Variants in SND1 observed in about 807,000 individuals in gnomAD.
SND1 encodes the protein staphylococcal nuclease and tudor domain containing 1.
In SND1, 38 loss-of-function variants were observed where a neutral mutation model predicts 121.7. The ratio of observed to expected loss-of-function variants is 0.31; its 90% CI spans 0.24 to 0.41. The LOEUF is 0.41. SND1 is among the 10% of genes least tolerant of loss of function. The probability of loss-of-function intolerance (pLI) is 1.00; values close to 1 mark genes in which losing one functional copy is unlikely to be tolerated. For missense variants in SND1, 868 were observed against 1,184.6 expected (o/e 0.73, Z 3.92); for synonymous variants, 401 against 447.4 (o/e 0.90, Z 1.31).
At chr7:127,985,193 T>C (rs1006045808) in intron 15 of SND1, among the ~76,000 whole-genome samples, 4 of 152,222 alleles carry the variant, frequency 2.6e-5, no homozygotes, top group African/African-American at 7.2e-5. Context: ...AAAGCATAGC[T>C]GCCCGAGGCT....
intron 10 of SND1, among the ~76,000 whole-genome samples, chr7:127,751,779 T>C (rs1003882659): frequency 6.6e-6 from 1 of 152,220 alleles, no homozygotes; most frequent in African/African-American, 2.4e-5. Flanking sequence ...AATGACCCTA[T>C]TGCATTCCCT....
intron 16 of SND1, chr7:128,030,584 G>A (rs760044908): frequency 1.4e-5 from 23 of 1,602,034 alleles, no homozygotes; most frequent in Admixed American, 6.7e-5. Flanking sequence ...AGACGAACGG[G>A]AGCAGGATGG....
At chr7:127,826,301 A>G (rs750029230) in intron 11 of SND1, among the ~76,000 whole-genome samples, 14 of 152,124 alleles carry the variant, frequency 9.2e-5, no homozygotes, top group Non-Finnish European at 1.9e-4. Flanking sequence ...ATGAGTATAT[A>G]ATTTATTTAA....
At chr7:127,750,227 G>A (rs945259860) in intron 10 of SND1, among the ~76,000 whole-genome samples, 2 of 152,230 alleles carry the variant, frequency 1.3e-5, no homozygotes, top group African/African-American at 4.8e-5. Context: ...GGGTTACACA[G>A]ACTGCAGATA....
chr7:127,738,147 C>A (rs1411612504), intron 10 of SND1, among the ~76,000 whole-genome samples: 1 of 152,124 alleles, frequency 6.6e-6, no homozygotes, highest in East Asian at 1.9e-4. Context: ...AATTATTTTT[C>A]ATGTGTCCTT....
intron 15 of SND1, among the ~76,000 whole-genome samples, chr7:127,990,077 A>C (rs1042120013): frequency 6.6e-6 from 1 of 152,212 alleles, no homozygotes; most frequent in African/African-American, 2.4e-5. Context: ...GGTTTTGAGC[A>C]TGGGAATTGC....
At chr7:127,932,033 A>G (rs1311618751) in intron 15 of SND1, among the ~76,000 whole-genome samples, 3 of 152,256 alleles carry the variant, frequency 2.0e-5, no homozygotes, top group Non-Finnish European at 4.4e-5. Flanking sequence ...CAACCCATGT[A>G]TCAAGGAGTA....
rs752763839 is a variant in SND1 at position 127,794,933 on chromosome 7, AC to A, written c.1153-12549del. Among the ~76,000 whole-genome samples the A allele has an allele frequency of 4.9e-4, 75 of 152,240 alleles. 2 individuals carry two copies. The highest frequency in any genetic ancestry group is 8.8e-5 in the Non-Finnish European group (6 of 68,044). ...TTGTGATATACTGGTCCTTGCTGCCACCGGTTACCATACTGGTTTCCATTAC... is the reference window on the plus strand; with the variant it reads ...TTGTGATATACTGGTCCTTGCTGCCACGGTTACCATACTGGTTTCCATTAC... On this transcript the variant is annotated intron_variant, in intron 10 of 23. Coordinates refer to ENST00000354725, the MANE Select transcript of SND1 (RefSeq NM_014390.4).
rs937377964 is a variant in SND1 at position 127,945,165 on chromosome 7, A to G, written c.1669+15836A>G. ...AAAGTTCTTGGATAAATGAATGAGC[A>G]CTGATGTTTCTTGGCTAACGTTTTG... On this transcript the variant is annotated intron_variant, in intron 15 of 23. Transcript: ENST00000354725. 3.3e-5 allele frequency among the ~76,000 whole-genome samples: 5 copies of G among 152,296 alleles called. No homozygotes were observed. In the East Asian group the frequency reaches 9.6e-4, roughly 29 times the overall value.
chr7:127,764,038 C>CA (rs60053474), intron 10 of SND1, among the ~76,000 whole-genome samples: 28,233 of 76,128 alleles, frequency 0.37, 3,998 homozygotes, highest in African/African-American at 0.46. Flanking sequence ...GACCCTGTCG[C>CA]AAAAAAAAAA....
rs779491748 is a variant in SND1 at position 127,652,415 on chromosome 7, C to G, written c.42C>G (p.Pro14=). 2.5e-6 allele frequency: 4 copies of G among 1,593,692 alleles called. No individual in the cohort carries two copies. The highest frequency in any genetic ancestry group is 1.1e-5 in the South Asian group (1 of 87,854). ...AGAGCGGCGGCTCCTCCGGGGGACC[C>G]GCGGTCCCCACCGTGCAGCGGGGCA... is the stretch of plus-strand genomic sequence containing the variant. ...SAQSGGSSGG[P]AVPTVQRGII... Residue 14 remains proline (P), a synonymous_variant, in exon 1 of 24, where the codon CCC becomes CCG. Coordinates refer to ENST00000354725, the MANE Select transcript of SND1 (RefSeq NM_014390.4).
chr7:127,670,659 CATTT>C (rs1023233940), intron 1 of SND1, among the ~76,000 whole-genome samples: 1 of 151,896 alleles, frequency 6.6e-6, no homozygotes, highest in Non-Finnish European at 1.5e-5. Context: ...AATTAGATCA[CATTT>C]ATTTATTTAT....
Position 128,085,625 on chromosome 7 carries a change from G to C in SND1, c.2235-86G>C, listed in dbSNP as rs1290036444. On this transcript the variant is annotated intron_variant, in intron 19 of 23. Transcript: ENST00000354725. This position sits in a 1 kb window ranked among gnomAD's most constrained non-coding sequence, Gnocchi z 4.4. ...CGTTGAACCCAGGCAGGGAAATGCT[G>C]TGCCCCTGCCCCGCCATTGCTGAGG... 1.6e-5 allele frequency: 19 copies of C among 1,178,716 alleles called. No homozygotes were observed. The East Asian group carries it at 4.2e-4, about 26-fold the overall frequency. The allele number at this position is 1,178,716 out of a possible 1,614,324, so 73.0% of individuals were successfully genotyped here.
chr7:127,907,257 G>A (rs952089190), intron 14 of SND1, among the ~76,000 whole-genome samples: 2 of 152,112 alleles, frequency 1.3e-5, no homozygotes, highest in African/African-American at 2.4e-5. Context: ...CCATCACAGT[G>A]TTAAGTCTGT....
At chr7:127,695,072 A>G (rs1795983886) in intron 3 of SND1, 124 bp downstream of exon 3, 2 of 1,108,006 alleles carry the variant, frequency 1.8e-6, no homozygotes, top group East Asian at 2.4e-5. Flanking sequence ...GGCTGAAGGC[A>G]TAAATGCAAA....
rs149330230 is a variant in SND1 at position 127,827,191 on chromosome 7, A to G, written c.1243-17133A>G. On this transcript the variant is annotated intron_variant, in intron 11 of 23. Coordinates refer to ENST00000354725, the MANE Select transcript of SND1 (RefSeq NM_014390.4). ...TTCTCTTACAGTGTATGAGTGCTCT[A>G]GGTGATAACTGTGGCCCTTTTCATT... 2.9e-3 allele frequency among the ~76,000 whole-genome samples: 448 copies of G among 152,344 alleles called. 6 individuals carry two copies. The highest frequency in any genetic ancestry group is 0.026 in the Admixed American group (399 of 15,298).
intron 10 of SND1, among the ~76,000 whole-genome samples, chr7:127,783,869 C>T (rs1290551468): frequency 4.6e-5 from 7 of 152,084 alleles, no homozygotes; most frequent in Non-Finnish European, 1.5e-5. Context: ...ATTAATGTTC[C>T]TTAAGGTGGG....
chr7:127,836,418 A>G (rs954496538), intron 11 of SND1, among the ~76,000 whole-genome samples: 1 of 152,332 alleles, frequency 6.6e-6, no homozygotes, highest in East Asian at 1.9e-4. Context: ...CCTAATTACA[A>G]TGATTTGGAA....
chr7:127,681,008 T>G (rs1194908136), intron 1 of SND1, among the ~76,000 whole-genome samples: 4 of 152,180 alleles, frequency 2.6e-5, no homozygotes, highest in Non-Finnish European at 5.9e-5. Context: ...TCGGGGTGCC[T>G]GACTTCCCGC....
Sources: gnomAD v4.1 joint callset for allele counts (sites outside exome capture counted in the v4.1 genomes callset) on GRCh38, gnomAD v4.1.1 for gene constraint, Gnocchi (gnomAD v3.1) non-coding constraint, MANE v1.5 for transcripts, NCBI Gene and HGNC (gene_info 2026-07-23, HGNC 2026-07-21) for gene names.